Variants in SDK1 observed in about 807,000 individuals in gnomAD.
The protein encoded by SDK1 is protein sidekick-1.
SDK1 carries 157 observed loss-of-function variants against 245.5 expected under a neutral mutation model. That is an observed-to-expected ratio of 0.64 (90% CI 0.56 to 0.73). The LOEUF (loss-of-function observed/expected upper bound fraction) is 0.73, where lower values mean the gene tolerates loss of function less well. SDK1 is among the 30% of genes least tolerant of loss of function. The probability of loss-of-function intolerance (pLI) is 0.00; values close to 1 mark genes in which losing one functional copy is unlikely to be tolerated. For synonymous variants in SDK1, 1,647 were observed against 1,278.5 expected, an observed-to-expected ratio of 1.29 and a Z score of -6.15; for missense variants, 3,583 against 3,002.3, an observed-to-expected ratio of 1.19 and a Z score of -4.52.
intron 1 of SDK1, among the ~76,000 whole-genome samples, chr7:3,567,040 A>G (rs1779942122): frequency 6.6e-6 from 1 of 152,148 alleles, no homozygotes; most frequent in Non-Finnish European, 1.5e-5. Flanking sequence ...TCCCACATTT[A>G]TTTTCCCGGG....
Position 4,017,264 on chromosome 7 carries a change from G to A in SDK1, c.2514G>A (p.Trp838Ter). The A allele has an allele frequency of 6.2e-7, 1 of 1,614,118 alleles. No homozygotes were observed. ...NYCLVTDLII[W>*]TQYEIQVAAY... ...GCCTGGTGACAGACCTGATCATCTGGACACAGTATGAGATACAGGTGGCGG... is the reference window on the plus strand; with the variant it reads ...GCCTGGTGACAGACCTGATCATCTGAACACAGTATGAGATACAGGTGGCGG... Residue 838 changes from tryptophan (W) to a stop codon, truncating the protein, a stop_gained, in exon 17 of 45, where the codon TGG becomes TGA. Transcript: ENST00000404826. LOFTEE classifies it high-confidence loss of function.
intron 5 of SDK1, among the ~76,000 whole-genome samples, chr7:3,831,092 G>A (rs1163554671): frequency 1.3e-5 from 2 of 152,138 alleles, no homozygotes; most frequent in Non-Finnish European, 2.9e-5. Flanking sequence ...CAAGGGGGAT[G>A]GAAAATTGAA....
In SDK1 at chr7:4,110,701, C is replaced by T. The variant is rs1400752827; in HGVS notation, c.3363C>T (p.Leu1121=). The part of the protein sequence containing the change: ...AIGDEEEWVT[L]YEEENEPDAQ... ...GCGACGAGGAGGAGTGGGTCACCCT[C>T]TATGAAGAGGAGAATGAGCCTGATG... Residue 1121 remains leucine (L), a synonymous_variant, in exon 23 of 45, where the codon CTC becomes CTT. Transcript: ENST00000404826. 3 of 1,613,980 alleles carry T rather than the reference C, an allele frequency of 1.9e-6. No individual in the cohort carries two copies. The highest frequency in any genetic ancestry group is 2.5e-6 in the Non-Finnish European group (3 of 1,179,906).
At chr7:3,753,664 C>T (rs1024888334) in intron 4 of SDK1, among the ~76,000 whole-genome samples, 5 of 152,186 alleles carry the variant, frequency 3.3e-5, no homozygotes, top group African/African-American at 2.4e-5. Flanking sequence ...CTGTTTATCA[C>T]AGGCAAATTT....
chr7:3,490,960 C>G (rs1488062570), intron 1 of SDK1, among the ~76,000 whole-genome samples: 1 of 152,196 alleles, frequency 6.6e-6, no homozygotes, highest in Non-Finnish European at 1.5e-5. Flanking sequence ...AACATTCATC[C>G]CAATTGCAAT....
chr7:4,171,538 G>C (rs1031434272), intron 32 of SDK1, among the ~76,000 whole-genome samples: 1 of 152,222 alleles, frequency 6.6e-6, no homozygotes, highest in Non-Finnish European at 1.5e-5. Flanking sequence ...CCCGGGCTCT[G>C]GTTCGGCGGT....
intron 1 of SDK1, among the ~76,000 whole-genome samples, chr7:3,549,853 A>G (rs904485830): frequency 2.0e-5 from 3 of 151,966 alleles, no homozygotes; most frequent in Non-Finnish European, 4.4e-5. Flanking sequence ...TTTTTCCCAT[A>G]GGCATAGGCC....
Position 3,301,697 on chromosome 7 carries a change from CCCCTCGCTGGCGCCGCGCCCCGG to C in SDK1, c.115_137del (p.Ser39GlyfsTer55). The stretch of plus-strand genomic sequence containing the variant: ...GGGGATCCCCGCCCGGCCGCGCCCG[CCCCTCGCTGGCGCCGCGCCCCGG>C]CCCGGAGCCCTCGCGACCCCGGGCG... On this transcript the variant is annotated frameshift_variant, in exon 1 of 45. Coordinates refer to ENST00000404826, the MANE Select transcript of SDK1 (RefSeq NM_152744.4). LOFTEE classifies it high-confidence loss of function. The C allele has an allele frequency of 2.1e-6, 2 of 973,918 alleles. No homozygotes were observed. Among genetic ancestry groups the C allele is most frequent in the Non-Finnish European group, 2.4e-6 (2 of 823,826 alleles). 60.3% of individuals were successfully genotyped at this position (973,918 alleles called of 1,614,324 possible).
intron 4 of SDK1, among the ~76,000 whole-genome samples, chr7:3,677,292 A>T (rs1044381330): frequency 2.0e-5 from 3 of 152,044 alleles, no homozygotes; most frequent in African/African-American, 7.2e-5. Context: ...TCTTTTTTAG[A>T]TGTTAATATT....
rs761195878 is a variant in SDK1 at position 3,731,625 on chromosome 7, T to A, written c.713+89520T>A. Among the ~76,000 whole-genome samples the A allele has an allele frequency of 1.2e-4, 18 of 152,164 alleles. 1 individual carries two copies. The highest frequency in any genetic ancestry group is 5.9e-5 in the Non-Finnish European group (4 of 68,036). On this transcript the variant is annotated intron_variant, in intron 4 of 44. Transcript: ENST00000404826. ...TTAAGTAGCTAATTTTTCTATCTCT[T>A]GGTCATTTTGTCGTCTCACCTATTG...
At chr7:3,417,757 G>A (rs899690759) in intron 1 of SDK1, among the ~76,000 whole-genome samples, 2 of 152,158 alleles carry the variant, frequency 1.3e-5, no homozygotes, top group African/African-American at 4.8e-5. Flanking sequence ...GCCTGAGGGA[G>A]ATTTGTTGAG....
chr7:3,592,848 C>T (rs551653252), intron 1 of SDK1, among the ~76,000 whole-genome samples: 6 of 152,308 alleles, frequency 3.9e-5, no homozygotes, highest in African/African-American at 1.2e-4. Flanking sequence ...TTTTGAAACA[C>T]TGATGGGTTT....
chr7:3,837,059 T>G (rs1780043800), intron 5 of SDK1, among the ~76,000 whole-genome samples: 1 of 152,212 alleles, frequency 6.6e-6, no homozygotes, highest in African/African-American at 2.4e-5. Flanking sequence ...AGACACCGCA[T>G]GATCTCATTT....
rs145365474 is a variant in SDK1 at position 4,195,710 on chromosome 7, T to C, written c.5099-10169T>C. On this transcript the variant is annotated intron_variant, in intron 35 of 44. Transcript: ENST00000404826. The stretch of plus-strand genomic sequence containing the variant: ...CCCTGGGTAAATTACTCCACCTCCC[T>C]GGGGCTCAATCTCCTTGCCTGCAGG... Among the ~76,000 whole-genome samples, 31 of 152,296 alleles carry C rather than the reference T, an allele frequency of 2.0e-4. No individual in the cohort carries two copies. In the East Asian group the frequency reaches 5.0e-3, roughly 25 times the overall value.
chr7:3,413,192 C>A (rs764330511), intron 1 of SDK1, among the ~76,000 whole-genome samples: 2 of 152,232 alleles, frequency 1.3e-5, no homozygotes, highest in African/African-American at 4.8e-5. Context: ...GCAGGAACAA[C>A]AACTGCGAAG....
intron 4 of SDK1, among the ~76,000 whole-genome samples, chr7:3,808,566 C>T (rs889238139): frequency 6.6e-6 from 1 of 152,068 alleles, no homozygotes; most frequent in African/African-American, 2.4e-5. Context: ...ACATGTGTGT[C>T]ACAGTTAACC....
intron 5 of SDK1, among the ~76,000 whole-genome samples, chr7:3,899,862 C>T (rs1024459870): frequency 6.6e-6 from 1 of 152,238 alleles, no homozygotes; most frequent in Admixed American, 6.5e-5. Context: ...GTGCTTTGTC[C>T]CTGCTTCCCG....
At chr7:3,823,950 G>T (rs1009202673) in intron 5 of SDK1, among the ~76,000 whole-genome samples, 4 of 135,150 alleles carry the variant, frequency 3.0e-5, no homozygotes, top group Non-Finnish European at 4.7e-5. Flanking sequence ...TTGTTTTTTT[G>T]TGTTTTTTTT....
At position 3,701,187 on chromosome 7, in the gene SDK1, AC is replaced by A. The variant is rs201198998; in HGVS notation, c.713+59083del. ...CGTGGAAATTGACAGAGAATACAAT[AC>A]TGTTTAAAATTGCTTTAAAAAACAC... On this transcript the variant is annotated intron_variant, in intron 4 of 44. Coordinates refer to ENST00000404826, the MANE Select transcript of SDK1 (RefSeq NM_152744.4). 1.0e-3 allele frequency among the ~76,000 whole-genome samples: 157 copies of A among 152,334 alleles called. 1 individual carries two copies. In the East Asian group the frequency reaches 0.027, roughly 26 times the overall value.
Sources: gnomAD v4.1 joint callset for allele counts (sites outside exome capture counted in the v4.1 genomes callset) on GRCh38, gnomAD v4.1.1 for gene constraint, MANE v1.5 for transcripts, NCBI Gene and HGNC (gene_info 2026-07-23, HGNC 2026-07-21) for gene names.